GNB1: variants seen among roughly 807,000 people sequenced by gnomAD.
GNB1 encodes the protein G protein subunit beta 1, also known as guanine nucleotide-binding protein G(I)/G(S)/G(T) subunit beta-1.
A neutral mutation model predicts 42.9 loss-of-function variants in GNB1; 2 were observed. The ratio of observed to expected loss-of-function variants is 0.05; its 90% CI spans 0.02 to 0.15. GNB1 has a LOEUF of 0.15. GNB1 is among the 10% of genes least tolerant of loss of function. The pLI is 1.00. For missense variants in GNB1, 193 were observed against 462.2 expected (o/e 0.42, Z 5.34); for synonymous variants, 183 against 174.7 (o/e 1.05, Z -0.38).
chr1:1,833,278 G>C (rs1246380037), intron 2 of GNB1, among the ~76,000 whole-genome samples: 1 of 152,134 alleles, frequency 6.6e-6, no homozygotes, highest in Non-Finnish European at 1.5e-5. Context: ...TGAAAGAGAG[G>C]AGTTTGCATG....
At chr1:1,875,383 G>A (rs1167350531) in intron 1 of GNB1, among the ~76,000 whole-genome samples, 1 of 152,108 alleles carries the variant, frequency 6.6e-6, no homozygotes, top group African/African-American at 2.4e-5. Flanking sequence ...AGCAGAGACG[G>A]GGTTTTCACA....
At chr1:1,864,534 C>T (rs1648817280) in intron 1 of GNB1, among the ~76,000 whole-genome samples, 1 of 152,038 alleles carries the variant, frequency 6.6e-6, no homozygotes, top group Admixed American at 6.6e-5. Context: ...ACCACCTGGC[C>T]TGTAGGTTAA....
At chr1:1,821,909 A>G (rs1570669908) in intron 3 of GNB1, among the ~76,000 whole-genome samples, 1 of 152,084 alleles carries the variant, frequency 6.6e-6, no homozygotes, top group African/African-American at 2.4e-5. Flanking sequence ...CTGAGGCGGG[A>G]AGATCCCTTG....
At chr1:1,810,301 G>A (rs775955805) in intron 5 of GNB1, among the ~76,000 whole-genome samples, 2 of 151,616 alleles carry the variant, frequency 1.3e-5, no homozygotes, top group Non-Finnish European at 1.5e-5. Flanking sequence ...TCCTGACCTC[G>A]TGATCCGCCC....
chr1:1,787,051 A>G lies in GNB1; in HGVS notation c.*12T>C. The G allele has an allele frequency of 3.5e-6, 1 of 281,992 alleles. No homozygotes were observed. Among genetic ancestry groups the G allele is most frequent in the East Asian group, 9.0e-5 (1 of 11,158 alleles). 17.5% of individuals were successfully genotyped at this position (281,992 alleles called of 1,614,324 possible). A position where few individuals can be genotyped will look rare whatever the true frequency, so the allele number is the denominator to read the frequency against. On this transcript the variant is annotated splice_region_variant and 3_prime_UTR_variant, in exon 12 of 12. Coordinates refer to ENST00000378609, the MANE Select transcript of GNB1 (RefSeq NM_002074.5). The surrounding 1 kb of genome is among the most constrained non-coding windows in gnomAD (Gnocchi z 4.4). ...GTCTTCCAGTCTCCATGGCATCCAC[A>G]TGCTGTTTTAAACAGAGTTTAAAGA...
Position 1,889,130 on chromosome 1 carries a change from C to T in GNB1, c.-96+1690G>A, listed in dbSNP as rs1650322261. ...ACTATCACTTCAGATTAGAAAATAA[C>T]TTATGCAAAAACCTTATCAATAACA... is the stretch of plus-strand genomic sequence containing the variant. On this transcript the variant is annotated intron_variant, in intron 1 of 11. Coordinates refer to ENST00000378609, the MANE Select transcript of GNB1 (RefSeq NM_002074.5). Among the ~76,000 whole-genome samples, 3 of 152,172 alleles carry T rather than the reference C, an allele frequency of 2.0e-5. No homozygotes were observed. In the South Asian group the frequency reaches 6.2e-4, roughly 31 times the overall value.
chr1:1,879,997 C>T (rs1557950640), intron 1 of GNB1, among the ~76,000 whole-genome samples: 1 of 152,002 alleles, frequency 6.6e-6, no homozygotes. Flanking sequence ...CATGGTGCAA[C>T]CATAGCTCAC....
At chr1:1,811,378 G>A (rs1046634597) in intron 5 of GNB1, among the ~76,000 whole-genome samples, 55 of 151,436 alleles carry the variant, frequency 3.6e-4, no homozygotes, top group African/African-American at 1.2e-3. Flanking sequence ...GTGAGCCACC[G>A]CGTCTAGCCT....
At chr1:1,835,972 C>T (rs1313301091) in intron 2 of GNB1, among the ~76,000 whole-genome samples, 3 of 146,268 alleles carry the variant, frequency 2.1e-5, no homozygotes, top group Non-Finnish European at 3.0e-5. Context: ...TGCCTATAGT[C>T]CCAACTACTT....
At chr1:1,815,513 G>C (rs765676815) in intron 5 of GNB1, among the ~76,000 whole-genome samples, 1 of 152,208 alleles carries the variant, frequency 6.6e-6, no homozygotes, top group Non-Finnish European at 1.5e-5. Context: ...AGAAAAATCA[G>C]AACTTGTATT....
chr1:1,815,978 C>T, intron 4 of GNB1, 116 bp from the exon 5 acceptor site: 1 of 681,276 alleles, frequency 1.5e-6, no homozygotes, highest in South Asian at 1.7e-5. Flanking sequence ...CCCAGCCCTT[C>T]CCACAGTTCT....
At chr1:1,885,015 TACATA>T (rs1650069119) in intron 1 of GNB1, among the ~76,000 whole-genome samples, 1 of 152,060 alleles carries the variant, frequency 6.6e-6, no homozygotes, top group Non-Finnish European at 1.5e-5. Flanking sequence ...AATGAATTAA[TACATA>T]AAGTCCTCTC....
intron 1 of GNB1, among the ~76,000 whole-genome samples, chr1:1,852,216 A>G (rs971104009): frequency 6.6e-5 from 10 of 151,886 alleles, no homozygotes; most frequent in African/African-American, 2.4e-4. Context: ...CCTAGGCAAC[A>G]TAGCAAGATC....
At chr1:1,871,062 T>C (rs931608902) in intron 1 of GNB1, among the ~76,000 whole-genome samples, 28 of 152,306 alleles carry the variant, frequency 1.8e-4, no homozygotes, top group African/African-American at 6.7e-4. Flanking sequence ...TGGTCTCCTC[T>C]TCCATCTCCT....
At chr1:1,853,421 C>A (rs1648095807) in intron 1 of GNB1, among the ~76,000 whole-genome samples, 1 of 152,154 alleles carries the variant, frequency 6.6e-6, no homozygotes, top group Admixed American at 6.5e-5. Flanking sequence ...GGCACGAACA[C>A]CCCAGACAAC....
At chr1:1,863,500 C>A (rs776121901) in intron 1 of GNB1, among the ~76,000 whole-genome samples, 39 of 152,206 alleles carry the variant, frequency 2.6e-4, no homozygotes, top group Non-Finnish European at 2.6e-4. Flanking sequence ...AAAGCGTCAA[C>A]AAAGCCCTTT....
intron 3 of GNB1, among the ~76,000 whole-genome samples, chr1:1,820,554 C>T (rs993017293): frequency 2.0e-5 from 3 of 152,032 alleles, no homozygotes; most frequent in African/African-American, 7.2e-5. Flanking sequence ...CTTAGAGCAG[C>T]AGAAGTCTTT....
At chr1:1,871,267 G>A (rs527665448) in intron 1 of GNB1, among the ~76,000 whole-genome samples, 3 of 152,064 alleles carry the variant, frequency 2.0e-5, no homozygotes, top group South Asian at 2.1e-4. Context: ...AGAGACCAGC[G>A]TGACCAACAT....
At chr1:1,870,281 C>T (rs915458159) in intron 1 of GNB1, among the ~76,000 whole-genome samples, 1 of 152,120 alleles carries the variant, frequency 6.6e-6, no homozygotes, top group Non-Finnish European at 1.5e-5. Flanking sequence ...ACCTCAAACT[C>T]CTTCTGCCTC....
Sources: allele counts gnomAD v4.1 joint callset (sites outside exome capture counted in the v4.1 genomes callset), GRCh38; gene constraint gnomAD v4.1.1; non-coding constraint Gnocchi (gnomAD v3.1); transcripts MANE v1.5; gene names NCBI Gene and HGNC (gene_info 2026-07-23, HGNC 2026-07-21).